TPO: variants seen among roughly 807,000 people sequenced by gnomAD.
TPO encodes the protein thyroid microsomal antigen.
A neutral mutation model predicts 96.9 loss-of-function variants in TPO; 78 were observed. The observed-to-expected ratio is 0.81, with a 90% CI of 0.67 to 0.97. The LOEUF (loss-of-function observed/expected upper bound fraction) is 0.97, where lower values mean the gene tolerates loss of function less well. Ranked by LOEUF, TPO falls within the 50% of genes least tolerant of loss-of-function variation. The pLI, the probability that TPO is intolerant of heterozygous loss-of-function variation, is 0.00. For missense variants in TPO, 1,252 were observed against 1,274.8 expected (o/e 0.98, Z 0.27); for synonymous variants, 547 against 538.0 (o/e 1.02, Z -0.23).
rs540845164 is a variant in TPO, at chr2:1,527,091, TCCC to T, written c.2618+10113_2618+10115del. ...CCTCACTGTGTGCCACCTCCCCAAATCCCCCCACTTTCTGCAACCTCCGCAAAT... is the reference window on the plus strand; with the variant it reads ...CCTCACTGTGTGCCACCTCCCCAAATCCCACTTTCTGCAACCTCCGCAAAT... On this transcript the variant is annotated intron_variant, in intron 15 of 16. Coordinates refer to ENST00000329066, the MANE Select transcript of TPO (RefSeq NM_001206744.2). Among the ~76,000 whole-genome samples, 51 of 25,662 alleles carry T rather than the reference TCCC, an allele frequency of 2.0e-3. No individual in the cohort carries two copies. The South Asian group carries it at 0.045, about 23-fold the overall frequency. The allele number at this position is 25,662 out of a possible 152,430, so 16.8% of individuals were successfully genotyped here.
chr2:1,391,765 C>A lies in TPO; in HGVS notation n.180+17363C>A, dbSNP rs199792869. Among the ~76,000 whole-genome samples the A allele has an allele frequency of 1.6e-3, 238 of 152,194 alleles. No homozygotes were observed. In the East Asian group the frequency reaches 0.016, roughly 10 times the overall value. ...AAGTTGGATTCCTAGGTATTTTATT[C>A]TCTTTGAAGCAATTGTGAATGGGAG... On this transcript the variant is annotated intron_variant and non_coding_transcript_variant, in intron 1 of 5. Transcript: ENST00000497517.
chr2:1,512,255 T>C (rs1357848371), intron 14 of TPO: 3 of 296,722 alleles, frequency 1.0e-5, no homozygotes, highest in Non-Finnish European at 1.5e-5. Context: ...AGCCAGGATG[T>C]ATTTCCTACA....
intron 14 of TPO, among the ~76,000 whole-genome samples, chr2:1,515,675 C>T (rs1181494763): frequency 6.6e-6 from 1 of 152,092 alleles, no homozygotes; most frequent in Non-Finnish European, 1.5e-5. Flanking sequence ...ATGAGACACA[C>T]CTGCAAATCA....
At chr2:1,456,321 T>A in intron 7 of TPO, 39 bp downstream of exon 7, 1 of 1,599,268 alleles carries the variant, frequency 6.3e-7, no homozygotes, top group Non-Finnish European at 8.6e-7. Flanking sequence ...GTTATGAAAC[T>A]AAGTGCTATT....
At position 1,496,053 on chromosome 2, in the gene TPO, C is replaced by G. The variant is rs760491353; in HGVS notation, c.2071C>G (p.Leu691Val). The G allele has an allele frequency of 1.4e-5, 23 of 1,613,846 alleles. No homozygotes were observed. The highest frequency in any genetic ancestry group is 1.7e-5 in the Admixed American group (1 of 60,004). ...AQRRELEKHS[L>V]SRVICDNTGL... The stretch of plus-strand genomic sequence containing the variant: ...GAGGCGTGAGCTGGAGAAGCACTCC[C>G]TGTCTCGGGTCATCTGTGACAACAC... The change falls in exon 12 of 17, where the codon CTG (leucine) becomes GTG (valine). Residue 691 changes from leucine to valine, a missense_variant. Physicochemically the swap from Leu to Val is conservative, Grantham distance 32. Coordinates refer to ENST00000329066, the MANE Select transcript of TPO (RefSeq NM_001206744.2).
intron 16 of TPO, 124 bp from the exon 17 acceptor site, chr2:1,542,297 T>C: frequency 7.6e-7 from 1 of 1,319,964 alleles, no homozygotes; most frequent in Non-Finnish European, 1.1e-6. Flanking sequence ...GGATGGCTCA[T>C]CTCGCCAGCG....
intron 16 of TPO, chr2:1,540,967 G>GGCTCACTTTCAGGC (rs1680696529): frequency 6.7e-7 from 1 of 1,482,336 alleles, no homozygotes; most frequent in Admixed American, 2.1e-5. Context: ...CAAAACTAAG[G>GGCTCACTTTCAGGC]GCTCACTTTC....
At chr2:1,484,923 A>T in intron 9 of TPO, 69 bp downstream of exon 9, 1 of 1,589,042 alleles carries the variant, frequency 6.3e-7, no homozygotes, top group Non-Finnish European at 8.6e-7. Context: ...TTTTTAAATT[A>T]TATTTTAAGT....
chr2:1,396,798 G>T (rs1662088515), intron 1 of TPO, among the ~76,000 whole-genome samples: 1 of 152,156 alleles, frequency 6.6e-6, no homozygotes, highest in Non-Finnish European at 1.5e-5. Context: ...CAAGCTATGT[G>T]TGGGCAAATG....
At chr2:1,542,204 T>C in intron 16 of TPO, 1 of 647,678 alleles carries the variant, frequency 1.5e-6, no homozygotes, top group Non-Finnish European at 2.7e-6. Flanking sequence ...TAGGAACCTT[T>C]GCCACGTGGA....
rs1231405493 is a variant in TPO at position 1,543,507 on chromosome 2, G to GTT, written c.*1034_*1035dup. 1 of 152,120 alleles carries GTT rather than the reference G, an allele frequency of 6.6e-6. No homozygotes were observed. Among genetic ancestry groups the GTT allele is most frequent in the African/African-American group, 2.4e-5 (1 of 41,442 alleles). The allele number at this position is 152,120 out of a possible 1,614,324, so 9.4% of individuals were successfully genotyped here. A position where few individuals can be genotyped will look rare whatever the true frequency, so the allele number is the denominator to read the frequency against. ...TCAGGATGTTTTATTTCGCTCTACT[G>GTT]TTATGTAGAGAAAGCATGGTTTGCT... is the stretch of plus-strand genomic sequence containing the variant. On this transcript the variant is annotated 3_prime_UTR_variant, in exon 17 of 17. Coordinates refer to ENST00000329066, the MANE Select transcript of TPO (RefSeq NM_001206744.2).
intron 15 of TPO, among the ~76,000 whole-genome samples, chr2:1,529,892 C>G (rs1274287050): frequency 2.5e-5 from 1 of 40,694 alleles, no homozygotes; most frequent in Non-Finnish European, 5.3e-5. Flanking sequence ...TCCTCAAATC[C>G]CTCCCACTCT....
chr2:1,510,601 C>T (rs1481996484), intron 14 of TPO, among the ~76,000 whole-genome samples: 1 of 152,188 alleles, frequency 6.6e-6, no homozygotes, highest in Admixed American at 6.5e-5. Flanking sequence ...TCACCCACTA[C>T]GTCTCTTCCT....
intron 7 of TPO, among the ~76,000 whole-genome samples, chr2:1,472,813 T>C (rs1669549206): frequency 7.5e-6 from 1 of 134,092 alleles, no homozygotes; most frequent in Admixed American, 8.1e-5. Context: ...CATTTTTTTC[T>C]GCTTGTTTGG....
At chr2:1,395,429 G>A (rs542473716) in intron 1 of TPO, among the ~76,000 whole-genome samples, 1 of 152,176 alleles carries the variant, frequency 6.6e-6, no homozygotes, top group East Asian at 1.9e-4. Flanking sequence ...AACTTAAATG[G>A]CAAAAGGAAG....
At chr2:1,538,715 G>A (rs1254787984) in intron 15 of TPO, among the ~76,000 whole-genome samples, 1 of 152,192 alleles carries the variant, frequency 6.6e-6, no homozygotes, top group African/African-American at 2.4e-5. Flanking sequence ...TGATGGTTCA[G>A]GCTGAGGAGG....
intron 7 of TPO, among the ~76,000 whole-genome samples, chr2:1,463,637 T>C (rs1384329361): frequency 6.6e-6 from 1 of 152,240 alleles, no homozygotes; most frequent in Non-Finnish European, 1.5e-5. Flanking sequence ...CAGGGAGCTG[T>C]GAGAGCTTTG....
chr2:1,434,733 A>G (rs2885362), intron 4 of TPO, among the ~76,000 whole-genome samples: 47,939 of 152,054 alleles, frequency 0.32, 8,295 homozygotes, highest in South Asian at 0.48. Context: ...AGAACTTAAG[A>G]ACTCCATAAT....
chr2:1,434,174 A>C (rs1213480497), intron 4 of TPO, among the ~76,000 whole-genome samples: 1 of 152,234 alleles, frequency 6.6e-6, no homozygotes, highest in Non-Finnish European at 1.5e-5. Context: ...AAAGCACTCT[A>C]TGGGCATAAG....
Sources: gnomAD v4.1 joint callset for allele counts (sites outside exome capture counted in the v4.1 genomes callset) on GRCh38, gnomAD v4.1.1 for gene constraint, MANE v1.5 for transcripts, NCBI Gene and HGNC (gene_info 2026-07-23, HGNC 2026-07-21) for gene names.